The following STOML3 variants were observed in gnomAD, a reference collection of about 807,000 sequenced individuals.
STOML3 encodes the protein stomatin-like protein 3.
A neutral mutation model predicts 29.5 loss-of-function variants in STOML3; 31 were observed. The ratio of observed to expected loss-of-function variants is 1.05; its 90% confidence interval spans 0.79 to 1.42. The LOEUF (loss-of-function observed/expected upper bound fraction) is 1.42. STOML3 is among the 40% of genes most tolerant of loss of function. The pLI, the probability that STOML3 is intolerant of heterozygous loss-of-function variation, is 0.00. For synonymous variants in STOML3, 122 were observed against 139.8 expected (o/e 0.87, Z 0.90); for missense variants, 380 against 363.0 (o/e 1.05, Z -0.38).
intron 4 of STOML3, among the ~76,000 whole-genome samples, chr13:38,971,867 A>G (rs531381201): frequency 2.0e-4 from 30 of 152,078 alleles, no homozygotes; most frequent in African/African-American, 7.0e-4. Flanking sequence ...AGAGGTTGCA[A>G]TGAGCCGAGA....
rs796229562 is a variant in STOML3 at position 38,971,312 on chromosome 13, C to T, written c.313-924G>A. Among the ~76,000 whole-genome samples the T allele has an allele frequency of 8.6e-4, 131 of 152,290 alleles. 2 individuals carry two copies. The highest frequency in any genetic ancestry group is 2.9e-3 in the African/African-American group (121 of 41,566). ...CCTCTCAAAGTGCTATGATTACAGG[C>T]GTGAGCCACCATGTCTGACCTGGGG... On this transcript the variant is annotated intron_variant, in intron 4 of 6. Coordinates refer to ENST00000379631, the MANE Select transcript of STOML3 (RefSeq NM_145286.3).
intron 1 of STOML3, among the ~76,000 whole-genome samples, chr13:38,984,708 A>T (rs1187831508): frequency 6.6e-6 from 1 of 152,182 alleles, no homozygotes; most frequent in African/African-American, 2.4e-5. Context: ...ACAATGACAA[A>T]ATCACCTGAC....
At chr13:38,967,129 A>T in intron 6 of STOML3, 80 bp from the exon 7 acceptor site, 4 of 1,293,960 alleles carry the variant, frequency 3.1e-6, no homozygotes, top group Non-Finnish European at 2.1e-6. Flanking sequence ...GTCTGTATTG[A>T]TACCCCTCTC....
intron 1 of STOML3, among the ~76,000 whole-genome samples, chr13:38,982,720 C>G (rs749976987): frequency 1.3e-5 from 2 of 152,150 alleles, no homozygotes; most frequent in Admixed American, 6.5e-5. Flanking sequence ...AAGATGGTTA[C>G]AAGTTGAAAA....
intron 1 of STOML3, chr13:38,980,280 G>A: frequency 1.4e-6 from 1 of 704,596 alleles, no homozygotes; most frequent in Non-Finnish European, 2.4e-6. Flanking sequence ...TGTGAGTGCT[G>A]CTGTCACCTT....
Position 38,966,746 on chromosome 13 carries a change from C to T in STOML3, c.*79G>A. ...CTGTTACATGAACAGTGTTGGAATT[C>T]TCACCGTTTCTAACTACTGGCTTCT... On this transcript the variant is annotated 3_prime_UTR_variant, in exon 7 of 7. Coordinates refer to ENST00000379631, the MANE Select transcript of STOML3 (RefSeq NM_145286.3). 1.7e-6 allele frequency: 2 copies of T among 1,200,222 alleles called. No individual in the cohort carries two copies. The highest frequency in any genetic ancestry group is 2.4e-6 in the Non-Finnish European group (2 of 824,666). 74.3% of individuals were successfully genotyped at this position (1,200,222 alleles called of 1,614,324 possible). A position where few individuals can be genotyped will look rare whatever the true frequency, so the allele number is the denominator to read the frequency against.
intron 1 of STOML3, among the ~76,000 whole-genome samples, chr13:38,985,278 C>T (rs1868464131): frequency 6.6e-6 from 1 of 152,056 alleles, no homozygotes; most frequent in African/African-American, 2.4e-5. Context: ...CAAAAATTAG[C>T]TGGGTGTGGT....
chr13:38,987,988 ATAT>A (rs1868692302), intron 1 of STOML3, among the ~76,000 whole-genome samples: 1 of 102,304 alleles, frequency 9.8e-6, no homozygotes, highest in Non-Finnish European at 1.8e-5. Flanking sequence ...TATATATAAT[ATAT>A]TATATTTTAT....
At chr13:38,972,963 T>C (rs1880933071) in intron 3 of STOML3, among the ~76,000 whole-genome samples, 1 of 151,738 alleles carries the variant, frequency 6.6e-6, no homozygotes, top group Non-Finnish European at 1.5e-5. Context: ...AGAATGCATA[T>C]TAAAAGATGT....
rs1164998762 is a variant in STOML3, at chr13:38,976,720, G to A, written c.130C>T (p.Pro44Ser). The A allele has an allele frequency of 2.5e-6, 4 of 1,613,844 alleles. No homozygotes were observed. In the African/African-American group the frequency reaches 4.0e-5, roughly 16 times the overall value. Residue 44 changes from proline (P) to serine (S), a missense_variant, in exon 2 of 7, where the codon CCC (proline) becomes TCC (serine). Transcript: ENST00000379631. ...TTCAAGCACATCCATATGGAGATGG[G>A]GAAGGTAATGATCACCAACAGGAAA... ...LSFLLVIITF[P>S]ISIWMCLKII...
chr13:38,984,631 C>A (rs770683443), intron 1 of STOML3, among the ~76,000 whole-genome samples: 4 of 152,068 alleles, frequency 2.6e-5, no homozygotes, highest in African/African-American at 9.7e-5. Flanking sequence ...GAGGCTGTAC[C>A]CTATAGCCCA....
intron 1 of STOML3, among the ~76,000 whole-genome samples, chr13:38,988,181 T>TATATAAAATATATTATATTTC (rs1339765369): frequency 1.3e-5 from 1 of 75,466 alleles, no homozygotes; most frequent in Non-Finnish European, 2.1e-5. Flanking sequence ...TATTATATTT[T>TATATAAAATATATTATATTTC]ATATAAAATA....
intron 3 of STOML3, among the ~76,000 whole-genome samples, 164 bp downstream of exon 3, chr13:38,976,376 C>T (rs1881073329): frequency 6.6e-6 from 1 of 152,158 alleles, no homozygotes; most frequent in African/African-American, 2.4e-5. Context: ...CACTGACTTG[C>T]ATTAAAAGGT....
chr13:38,976,413 A>C, intron 3 of STOML3, 127 bp downstream of exon 3: 1 of 1,002,300 alleles, frequency 1.0e-6, no homozygotes, highest in East Asian at 2.6e-5. Context: ...ACCAAAAGGC[A>C]AGAGCCCCAG....
chr13:38,969,382 G>A (rs1391641951), intron 5 of STOML3, among the ~76,000 whole-genome samples: 1 of 152,172 alleles, frequency 6.6e-6, no homozygotes. Flanking sequence ...GAGATACTGA[G>A]ACCTCACAAG....
chr13:38,983,038 CTGTTACA>C (rs1881321974), intron 1 of STOML3, among the ~76,000 whole-genome samples: 1 of 152,150 alleles, frequency 6.6e-6, no homozygotes, highest in Non-Finnish European at 1.5e-5. Context: ...CCCTATCCCT[CTGTTACA>C]TGAAAATTGT....
chr13:38,988,083 TATATATA>T, intron 1 of STOML3, among the ~76,000 whole-genome samples: 1 of 110,930 alleles, frequency 9.0e-6, no homozygotes, highest in African/African-American at 3.4e-5. Context: ...TCATATATTT[TATATATA>T]ATATGTTATA....
chr13:38,975,670 G>A (rs1881048216), intron 3 of STOML3, among the ~76,000 whole-genome samples: 1 of 152,030 alleles, frequency 6.6e-6, no homozygotes, highest in African/African-American at 2.4e-5. Flanking sequence ...TGCCATATTT[G>A]GGAGTCAAAA....
chr13:38,968,587 A>C, intron 5 of STOML3, 53 bp from the exon 6 acceptor site: 1 of 1,597,244 alleles, frequency 6.3e-7, no homozygotes, highest in Non-Finnish European at 8.6e-7. Context: ...GATATGATGT[A>C]TGTTTCTGAT....
Sources: allele counts gnomAD v4.1 joint callset (sites outside exome capture counted in the v4.1 genomes callset), GRCh38; gene constraint gnomAD v4.1.1; transcripts MANE v1.5; gene names NCBI Gene and HGNC (gene_info 2026-07-23, HGNC 2026-07-21).